The following COL5A1 variants were observed in gnomAD, a reference collection of about 807,000 sequenced individuals.
COL5A1 encodes collagen alpha-1(V) chain.
Under a neutral mutation model 263.7 loss-of-function variants are expected in COL5A1, and 16 were observed. That is an observed-to-expected ratio of 0.06 (90% CI 0.04 to 0.09). COL5A1 has a LOEUF of 0.09. Among genes scored for constraint, COL5A1 ranks in the 10% least tolerant of loss-of-function variants. The pLI is 1.00. For missense variants in COL5A1, 2,036 were observed against 2,540.5 expected (o/e 0.80, Z 4.27); for synonymous variants, 1,012 against 1,004.5 (o/e 1.01, Z -0.14).
intron 2 of COL5A1, among the ~76,000 whole-genome samples, chr9:134,694,572 C>A (rs914789352): frequency 1.3e-5 from 2 of 152,212 alleles, no homozygotes; most frequent in African/African-American, 4.8e-5. Flanking sequence ...GCTAGAATTT[C>A]CCCCCTCATT....
chr9:134,748,224 T>C (rs1835639117), intron 11 of COL5A1, among the ~76,000 whole-genome samples: 1 of 148,660 alleles, frequency 6.7e-6, no homozygotes, highest in South Asian at 2.1e-4. Flanking sequence ...TGCATTCATA[T>C]GCACACCCAC....
intron 4 of COL5A1, among the ~76,000 whole-genome samples, chr9:134,712,500 C>T (rs1167291554): frequency 1.0e-5 from 1 of 99,736 alleles, no homozygotes; most frequent in Non-Finnish European, 2.1e-5. Context: ...GCCTTCCCTC[C>T]TCCTTCCTGT....
intron 1 of COL5A1, among the ~76,000 whole-genome samples, chr9:134,644,750 A>G (rs1831421588): frequency 6.6e-6 from 1 of 152,204 alleles, no homozygotes; most frequent in South Asian, 2.1e-4. Flanking sequence ...TGAACAGTGT[A>G]ACGGGGAAGG....
At position 134,822,718 on chromosome 9, in the gene COL5A1, G is replaced by GCCCCCCCCC. The variant is rs370666409; in HGVS notation, c.4609-279_4609-278insCCCCCCCCC. 1.2e-3 allele frequency among the ~76,000 whole-genome samples: 176 copies of GCCCCCCCCC among 143,062 alleles called. 29 individuals are homozygous for GCCCCCCCCC. Among genetic ancestry groups the GCCCCCCCCC allele is most frequent in the African/African-American group, 4.8e-3 (166 of 34,604 alleles). 93.9% of individuals were successfully genotyped at this position (143,062 alleles called of 152,430 possible). ...GAGCCAGGACATGCTCTTTTCCGCT[G>GCCCCCCCCC]CGCCCCCCCCGCGGCTGTCTGAGCT... On this transcript the variant is annotated intron_variant, in intron 59 of 65. Coordinates refer to ENST00000371817, the MANE Select transcript of COL5A1 (RefSeq NM_000093.5).
At chr9:134,738,397 G>A in intron 9 of COL5A1, 77 bp from the exon 10 acceptor site, 2 of 1,546,550 alleles carry the variant, frequency 1.3e-6, no homozygotes, top group Non-Finnish European at 1.8e-6. Context: ...GCAGCTGAAG[G>A]CCGTCCACAC....
intron 18 of COL5A1, among the ~76,000 whole-genome samples, chr9:134,760,735 A>AT (rs1564440938): frequency 7.7e-6 from 1 of 129,242 alleles, no homozygotes; most frequent in Non-Finnish European, 1.6e-5. Context: ...ATGCACACAC[A>AT]CCACACATGC....
At chr9:134,738,667 C>T in intron 10 of COL5A1, 79 bp from the exon 11 acceptor site, 2 of 1,444,224 alleles carry the variant, frequency 1.4e-6, no homozygotes, top group East Asian at 2.3e-5. Flanking sequence ...CCCACCTCTG[C>T]CTTGGTTGGC....
chr9:134,814,646 G>C, intron 49 of COL5A1, 151 bp from the exon 50 acceptor site: 1 of 682,212 alleles, frequency 1.5e-6, no homozygotes, highest in Non-Finnish European at 2.6e-6. Context: ...CCCAGGGCTT[G>C]GGGAGCGACC....
chr9:134,829,454 G>A (rs10122857), intron 63 of COL5A1, among the ~76,000 whole-genome samples: 37,403 of 135,532 alleles, frequency 0.28, 6,071 homozygotes, highest in Admixed American at 0.32. Flanking sequence ...TCATCCTCAC[G>A]CGGCCTCCGG....
chr9:134,835,701 C>T (rs1372196838), intron 65 of COL5A1, among the ~76,000 whole-genome samples: 1 of 152,226 alleles, frequency 6.6e-6, no homozygotes, highest in Non-Finnish European at 1.5e-5. Flanking sequence ...GTTCTGGTCC[C>T]AGACAAGGGA....
chr9:134,744,910 C>T (rs1835454929), intron 11 of COL5A1, among the ~76,000 whole-genome samples: 1 of 152,246 alleles, frequency 6.6e-6, no homozygotes, highest in Non-Finnish European at 1.5e-5. Context: ...CACATATGCA[C>T]ACACCCAGGC....
rs934360878 is a variant in COL5A1, at chr9:134,813,901, G to C, written c.3853-82G>C. The C allele has an allele frequency of 2.7e-6, 4 of 1,486,166 alleles. No individual in the cohort carries two copies. In the African/African-American group the frequency reaches 4.2e-5, roughly 16 times the overall value. 92.1% of individuals were successfully genotyped at this position (1,486,166 alleles called of 1,614,324 possible). A position where few individuals can be genotyped will look rare whatever the true frequency, so the allele number is the denominator to read the frequency against. On this transcript the variant is annotated intron_variant, in intron 48 of 65. Transcript: ENST00000371817. ...CCAGGGGCAGGCAGACAGCAGGCAG[G>C]ATTTGGCAAATGCTTGAAACCGTAG... is the stretch of plus-strand genomic sequence containing the variant.
rs756648955 is a variant in COL5A1 at position 134,836,392 on chromosome 9, CCG to C, written c.5370+1189_5370+1190del. On this transcript the variant is annotated intron_variant, in intron 65 of 65. Coordinates refer to ENST00000371817, the MANE Select transcript of COL5A1 (RefSeq NM_000093.5). ...ATTACCCCGAGGGCAGCACCAAGCC[CCG>C]TGACCCAGACGCCTCCCACCAGGCC... Among the ~76,000 whole-genome samples the C allele has an allele frequency of 4.4e-3, 664 of 152,300 alleles. 4 individuals carry two copies. Among genetic ancestry groups the C allele is most frequent in the Non-Finnish European group, 7.9e-3 (535 of 68,028 alleles).
rs920820075 is a variant in COL5A1 at position 134,700,883 on chromosome 9, G to A, written c.492-288G>A. ...CCTGGGTCCCGAGCCAGTGCCGAGTGCTGTGTGCTCCCCCTTCCCCCTTTC... is the reference window on the plus strand; with the variant it reads ...CCTGGGTCCCGAGCCAGTGCCGAGTACTGTGTGCTCCCCCTTCCCCCTTTC... On this transcript the variant is annotated intron_variant, in intron 3 of 65. Coordinates refer to ENST00000371817, the MANE Select transcript of COL5A1 (RefSeq NM_000093.5). This position sits in a 1 kb window ranked among gnomAD's most constrained non-coding sequence, Gnocchi z 4.0. Among the ~76,000 whole-genome samples, 3 of 152,192 alleles carry A rather than the reference G, an allele frequency of 2.0e-5. No individual in the cohort carries two copies. The highest frequency in any genetic ancestry group is 4.4e-5 in the Non-Finnish European group (3 of 68,036).
rs746737309 is a variant in COL5A1 at position 134,686,214 on chromosome 9, CCTT to C, written c.110-4693_110-4691del. Among the ~76,000 whole-genome samples, 1 of 152,042 alleles carries C rather than the reference CCTT, an allele frequency of 6.6e-6. No homozygotes were observed. Among genetic ancestry groups the C allele is most frequent in the Admixed American group, 6.6e-5 (1 of 15,248 alleles). On this transcript the variant is annotated intron_variant, in intron 1 of 65. Coordinates refer to ENST00000371817, the MANE Select transcript of COL5A1 (RefSeq NM_000093.5). This position sits in a 1 kb window ranked among gnomAD's most constrained non-coding sequence, Gnocchi z 4.6. The stretch of plus-strand genomic sequence containing the variant: ...CAAACTTTCATTTCCAAATTATTCT[CCTT>C]CTTCCTTCCTCCTTCTCCTTCTCCT...
At chr9:134,815,833 G>A in intron 51 of COL5A1, 102 bp from the exon 52 acceptor site, 1 of 1,437,724 alleles carries the variant, frequency 7.0e-7, no homozygotes, top group Non-Finnish European at 9.8e-7. Context: ...GCACCAGAAT[G>A]GATTTGGGTT....
At chr9:134,810,415 T>A in intron 44 of COL5A1, 107 bp downstream of exon 44, 1 of 1,071,226 alleles carries the variant, frequency 9.3e-7, no homozygotes, top group Non-Finnish European at 1.4e-6. Flanking sequence ...TGCTGATGAC[T>A]AGCGGGACAT....
At chr9:134,699,520 A>G (rs1487572405) in intron 2 of COL5A1, among the ~76,000 whole-genome samples, 1 of 135,592 alleles carries the variant, frequency 7.4e-6, no homozygotes, top group Non-Finnish European at 1.5e-5. Context: ...GTGTGACCTC[A>G]TGGAGCGTAC....
At chr9:134,710,954 C>T (rs577585152) in intron 4 of COL5A1, among the ~76,000 whole-genome samples, 1 of 121,352 alleles carries the variant, frequency 8.2e-6, no homozygotes, top group Non-Finnish European at 1.7e-5. Context: ...GGAGGGGCCC[C>T]GTCTGTTGGG....
Sources: gnomAD v4.1 joint callset for allele counts (sites outside exome capture counted in the v4.1 genomes callset) on GRCh38, gnomAD v4.1.1 for gene constraint, Gnocchi (gnomAD v3.1) non-coding constraint, MANE v1.5 for transcripts, NCBI Gene and HGNC (gene_info 2026-07-23, HGNC 2026-07-21) for gene names.